Variants in DNAH10 observed in about 807,000 individuals in gnomAD.
DNAH10 encodes axonemal beta dynein heavy chain 10.
Under a neutral mutation model 506.6 loss-of-function variants are expected in DNAH10, and 348 were observed. The ratio of observed to expected loss-of-function variants is 0.69; its 90% CI spans 0.63 to 0.75. The LOEUF is 0.75. DNAH10 is among the 30% of genes least tolerant of loss of function. The pLI is 0.00. For synonymous variants in DNAH10, 2,059 were observed against 2,198.6 expected, an observed-to-expected ratio of 0.94 and a Z score of 1.78; for missense variants, 5,179 against 5,787.1, an observed-to-expected ratio of 0.89 and a Z score of 3.41.
chr12:123,788,921 C>G (rs1164220543), intron 10 of DNAH10, among the ~76,000 whole-genome samples: 1 of 132,746 alleles, frequency 7.5e-6, no homozygotes, highest in Non-Finnish European at 1.6e-5. Flanking sequence ...TGAGACCTTG[C>G]TTCAAAAAAA....
intron 39 of DNAH10, among the ~76,000 whole-genome samples, chr12:123,863,285 T>C (rs1951679951): frequency 6.6e-6 from 1 of 152,188 alleles, no homozygotes; most frequent in Non-Finnish European, 1.5e-5. Context: ...GCCTTGGACG[T>C]AGACGTGCTG....
chr12:123,838,483 G>A lies in DNAH10; in HGVS notation c.4930G>A (p.Val1644Met), dbSNP rs369698018. The part of the protein sequence containing the change: ...RIMGETLKDP[V>M]IKRCCEAPNR... ...CATGGGTGAGACCTTAAAAGACCCC[G>A]TGATCAAGAGGTGCTGTGAAGCCCC... The change falls in exon 29 of 79, where the codon GTG (valine) becomes ATG (methionine). Residue 1644 changes from valine (V) to methionine (M), a missense_variant. By Grantham distance (21) the Val-to-Met change is conservative. Transcript: ENST00000673944. The A allele has an allele frequency of 2.1e-5, 34 of 1,613,886 alleles. No homozygotes were observed. Among genetic ancestry groups the A allele is most frequent in the African/African-American group, 8.0e-5 (6 of 75,020 alleles).
At position 123,783,959 on chromosome 12, in the gene DNAH10, C is replaced by T. The variant is rs768483550; in HGVS notation, c.1012C>T (p.Leu338=). The T allele has an allele frequency of 6.2e-7, 1 of 1,614,090 alleles. No individual in the cohort carries two copies. The change falls in exon 8 of 79, where the codon CTG becomes TTG. Residue 338 remains leucine, a synonymous_variant. Coordinates refer to ENST00000673944, the MANE Select transcript of DNAH10 (RefSeq NM_001372106.1). ...TTTCACCTCTCAGGGTAAAGGCCCT[C>T]TGGCTGAAATTGAATTCTGGAGGGA... is the stretch of plus-strand genomic sequence containing the variant. ...LKKTPQGKGP[L]AEIEFWRERN...
At chr12:123,857,801 G>A (rs1047418586) in intron 37 of DNAH10, among the ~76,000 whole-genome samples, 1 of 152,236 alleles carries the variant, frequency 6.6e-6, no homozygotes, top group Non-Finnish European at 1.5e-5. Context: ...GCAACCATCA[G>A]CATTATCCAT....
chr12:123,886,856 G>A (rs1490494279), intron 51 of DNAH10, among the ~76,000 whole-genome samples: 1 of 152,202 alleles, frequency 6.6e-6, no homozygotes, highest in Non-Finnish European at 1.5e-5. Flanking sequence ...TTCTCCCTGT[G>A]TGCGTCTTCC....
chr12:123,926,653 A>T lies in DNAH10; in HGVS notation c.11938A>T (p.Met3980Leu), dbSNP rs142101429. 3 of 1,613,388 alleles carry T rather than the reference A, an allele frequency of 1.9e-6. No homozygotes were observed. In the South Asian group the frequency reaches 3.3e-5, roughly 18 times the overall value. Residue 3980 changes from methionine (M) to leucine (L), a missense_variant, in exon 69 of 79, where the codon ATG (methionine) becomes TTG (leucine). Met to Leu is a conservative substitution (Grantham distance 15, BLOSUM62 2). Around this residue, in one of 3 missense-constraint regions of DNAH10, gnomAD observed 4,844 missense variants for 5,430.5 expected, o/e 0.89. Transcript: ENST00000673944. The surrounding 1 kb of genome is among the most constrained non-coding windows in gnomAD (Gnocchi z 4.1). ...TTTCACCAGGTATGTGCAGCCCCCAATGATCAGCTTTGAAGCTATTTTTGA... is the reference window on the plus strand; with the variant it reads ...TTTCACCAGGTATGTGCAGCCCCCATTGATCAGCTTTGAAGCTATTTTTGA... ...TMGEKYVQPP[M>L]ISFEAIFEQS... is the part of the protein sequence containing the mutation.
At chr12:123,771,814 T>A in intron 3 of DNAH10, 116 bp downstream of exon 3, 2 of 918,480 alleles carry the variant, frequency 2.2e-6, no homozygotes, top group South Asian at 3.3e-5. Flanking sequence ...GAATGGAAAT[T>A]ATAGGATCCC....
chr12:123,803,193 A>C (rs1203548733), intron 16 of DNAH10, among the ~76,000 whole-genome samples: 1 of 152,046 alleles, frequency 6.6e-6, no homozygotes, highest in African/African-American at 2.4e-5. Context: ...TTATAGTATG[A>C]TGTTTCCCAG....
At chr12:123,914,702 C>T in intron 61 of DNAH10, 150 bp from the exon 62 acceptor site, 3 of 1,395,930 alleles carry the variant, frequency 2.1e-6, no homozygotes, top group Non-Finnish European at 2.9e-6. Flanking sequence ...AAGCTGCAAA[C>T]CCAGCACGGA....
chr12:123,785,936 A>C lies in DNAH10; in HGVS notation c.1421A>C (p.Lys474Thr). 1 of 1,605,872 alleles carries C rather than the reference A, an allele frequency of 6.2e-7. No individual in the cohort carries two copies. The highest frequency in any genetic ancestry group is 8.5e-7 in the Non-Finnish European group (1 of 1,173,666). The change falls in exon 9 of 79, where the codon AAA becomes ACA. Residue 474 changes from lysine to threonine, a missense_variant and splice_region_variant. Transcript: ENST00000673944. This position sits in a 1 kb window ranked among gnomAD's most constrained non-coding sequence, Gnocchi z 4.1. ...CRVVNLRTLF[K>T]ENRASAQSKT... The stretch of plus-strand genomic sequence containing the variant: ...GTGGTCAACCTGCGGACTTTGTTCA[A>C]GTAAGAAGCCATGGCGTTCATTTTT...
intron 24 of DNAH10, among the ~76,000 whole-genome samples, chr12:123,823,338 A>AGGGACT (rs1240525898): frequency 6.6e-6 from 1 of 152,186 alleles, no homozygotes; most frequent in East Asian, 1.9e-4. Context: ...AGCCGTGAGA[A>AGGGACT]GGGACTCCGG....
In DNAH10 at chr12:123,887,254, C is replaced by T. The variant is rs755859423; in HGVS notation, c.8936C>T (p.Thr2979Met). 31 of 1,613,846 alleles carry T rather than the reference C, an allele frequency of 1.9e-5. No homozygotes were observed. The Middle Eastern group carries it at 4.9e-4, about 26-fold the overall frequency. The change falls in exon 52 of 79, where the codon ACG becomes ATG. Residue 2979 changes from threonine to methionine, a missense_variant. Transcript: ENST00000673944. The part of the protein sequence containing the change: ...IENKAMIFLF[T>M]DAHVAEEGFL... Reference sequence around the variant, plus strand: ...AACAAAGCGATGATCTTTCTGTTCACGGATGCCCATGTGGCTGAGGAGGGC... The same window carrying T: ...AACAAAGCGATGATCTTTCTGTTCATGGATGCCCATGTGGCTGAGGAGGGC...
chr12:123,913,337 A>G lies in DNAH10; in HGVS notation c.10352+22A>G. The stretch of plus-strand genomic sequence containing the variant: ...TCAGGTTAGCGCTGCTCACGAGCCC[A>G]CCTGTTGCGGTTTGTAAACGGACGT... On this transcript the variant is annotated intron_variant, in intron 60 of 78. Transcript: ENST00000673944. The surrounding 1 kb of genome is among the most constrained non-coding windows in gnomAD (Gnocchi z 5.1). The G allele has an allele frequency of 6.4e-7, 1 of 1,552,070 alleles. No homozygotes were observed.
chr12:123,935,273 T>G, intron 78 of DNAH10, 62 bp from the exon 79 acceptor site: 1 of 1,572,850 alleles, frequency 6.4e-7, no homozygotes, highest in Non-Finnish European at 8.7e-7. Flanking sequence ...ACACTGCACC[T>G]CTGCCTTTAT....
At chr12:123,828,005 T>G (rs1960164005) in intron 25 of DNAH10, among the ~76,000 whole-genome samples, 1 of 152,168 alleles carries the variant, frequency 6.6e-6, no homozygotes, top group African/African-American at 2.4e-5. Context: ...TTCTCAAACT[T>G]TGGTCCTGTC....
chr12:123,932,251 C>A, intron 76 of DNAH10, 143 bp downstream of exon 76: 1 of 1,005,954 alleles, frequency 9.9e-7, no homozygotes, highest in Non-Finnish European at 1.4e-6. Context: ...GTCTGAGATT[C>A]TTACAAGCCT....
At chr12:123,854,679 A>G (rs1312757264) in intron 36 of DNAH10, among the ~76,000 whole-genome samples, 3 of 152,228 alleles carry the variant, frequency 2.0e-5, no homozygotes, top group African/African-American at 7.2e-5. Context: ...TTGTACAGAG[A>G]CTGCGATGGT....
Position 123,771,668 on chromosome 12 carries a change from C to T in DNAH10, c.366C>T (p.Asp122=), listed in dbSNP as rs769775681. 5.0e-6 allele frequency: 8 copies of T among 1,612,808 alleles called. No homozygotes were observed. Among genetic ancestry groups the T allele is most frequent in the Non-Finnish European group, 6.8e-6 (8 of 1,179,508 alleles). Residue 122 remains aspartate, a synonymous_variant, in exon 3 of 79, where the codon GAC becomes GAT. Transcript: ENST00000673944. ...TAAACAGAGAGGATGAAGAAATGGACAAAGAGATTTCAGAAAAACTCCCTT... is the reference window on the plus strand; with the variant it reads ...TAAACAGAGAGGATGAAGAAATGGATAAAGAGATTTCAGAAAAACTCCCTT... ...QPLNREDEEM[D]KEISEKLPSK...
chr12:123,874,852 C>A (rs368109052), intron 46 of DNAH10, among the ~76,000 whole-genome samples: 4 of 151,888 alleles, frequency 2.6e-5, no homozygotes, highest in African/African-American at 9.7e-5. Flanking sequence ...TTGTTGAATT[C>A]TTGTCTGTCC....
Sources: allele counts gnomAD v4.1 joint callset (sites outside exome capture counted in the v4.1 genomes callset), GRCh38; gene constraint gnomAD v4.1.1; regional missense constraint gnomAD v4.1.1; non-coding constraint Gnocchi (gnomAD v3.1); transcripts MANE v1.5; gene names NCBI Gene and HGNC (gene_info 2026-07-23, HGNC 2026-07-21).